The following PLEKHM3 variants were observed in gnomAD, a reference collection of about 807,000 sequenced individuals.
PLEKHM3 encodes the protein pleckstrin homology domain containing M3.
A neutral mutation model predicts 81.8 loss-of-function variants in PLEKHM3; 45 were observed. The ratio of observed to expected loss-of-function variants is 0.55; its 90% CI spans 0.43 to 0.71. PLEKHM3 has a LOEUF of 0.71. PLEKHM3 is among the 30% of genes least tolerant of loss of function. The pLI, the probability that PLEKHM3 is intolerant of heterozygous loss-of-function variation, is 0.00. For missense variants in PLEKHM3, 788 were observed against 924.3 expected (o/e 0.85, Z 1.91); for synonymous variants, 352 against 356.4 (o/e 0.99, Z 0.14).
At chr2:207,849,059 C>A (rs150476951) in intron 7 of PLEKHM3, among the ~76,000 whole-genome samples, 1 of 152,124 alleles carries the variant, frequency 6.6e-6, no homozygotes, top group Non-Finnish European at 1.5e-5. Flanking sequence ...ACTGGCTGGG[C>A]GTGGTGGCTC....
intron 4 of PLEKHM3, among the ~76,000 whole-genome samples, chr2:207,944,042 A>G (rs150378201): frequency 6.6e-6 from 1 of 152,224 alleles, no homozygotes; most frequent in East Asian, 1.9e-4. Flanking sequence ...AATTATCAGC[A>G]TAAGAATCCT....
intron 7 of PLEKHM3, among the ~76,000 whole-genome samples, chr2:207,836,808 A>G (rs993692511): frequency 6.6e-6 from 1 of 152,196 alleles, no homozygotes; most frequent in Non-Finnish European, 1.5e-5. Context: ...GGCTCAGGCA[A>G]TGGCCTCAGA....
At position 207,958,909 on chromosome 2, in the gene PLEKHM3, A is replaced by C. The variant is rs1690631080; in HGVS notation, c.1547-12397T>G. 2.6e-5 allele frequency among the ~76,000 whole-genome samples: 4 copies of C among 152,030 alleles called. No individual in the cohort carries two copies. In the South Asian group the frequency reaches 8.3e-4, roughly 32 times the overall value. ...TGGGCAACAGAGTGAGTGAGACTCC[A>C]TCTCAAAAATAATAATAATAATAAT... On this transcript the variant is annotated intron_variant, in intron 3 of 7. Coordinates refer to ENST00000427836, the MANE Select transcript of PLEKHM3 (RefSeq NM_001080475.3).
intron 2 of PLEKHM3, among the ~76,000 whole-genome samples, chr2:207,978,337 G>T (rs1039668783): frequency 1.4e-5 from 2 of 147,224 alleles, no homozygotes; most frequent in South Asian, 2.5e-4. Flanking sequence ...AGTAATTGCG[G>T]TTTTTACCAT....
At chr2:207,968,395 G>A (rs753172582) in intron 3 of PLEKHM3, among the ~76,000 whole-genome samples, 3 of 151,990 alleles carry the variant, frequency 2.0e-5, no homozygotes, top group Non-Finnish European at 4.4e-5. Context: ...TGGGGGTGGG[G>A]GGCCACTTTA....
chr2:207,890,858 C>T (rs1403791859), intron 6 of PLEKHM3, among the ~76,000 whole-genome samples: 2 of 152,188 alleles, frequency 1.3e-5, no homozygotes, highest in African/African-American at 4.8e-5. Context: ...AAATCAACTA[C>T]TATTTTCACT....
chr2:207,850,834 T>C (rs540228045), intron 7 of PLEKHM3, among the ~76,000 whole-genome samples: 2 of 152,326 alleles, frequency 1.3e-5, no homozygotes, highest in African/African-American at 4.8e-5. Flanking sequence ...GTCAGCCTAA[T>C]CTTCTGATTT....
chr2:207,904,752 A>C (rs1559229817), intron 6 of PLEKHM3, among the ~76,000 whole-genome samples: 1 of 152,218 alleles, frequency 6.6e-6, no homozygotes, highest in Non-Finnish European at 1.5e-5. Context: ...AGAAGGGGGA[A>C]AACTGTCTTG....
chr2:207,892,309 T>C (rs1688083822), intron 6 of PLEKHM3, among the ~76,000 whole-genome samples: 1 of 152,232 alleles, frequency 6.6e-6, no homozygotes, highest in Non-Finnish European at 1.5e-5. Context: ...TTTCTTATTG[T>C]GGTAAATGTA....
At position 207,825,377 on chromosome 2, in the gene PLEKHM3, A is replaced by G. The variant is rs2092242633; in HGVS notation, c.*2942T>C. On this transcript the variant is annotated 3_prime_UTR_variant, in exon 8 of 8. Transcript: ENST00000427836. ...GTCAGTTGCCAGCTCCAGGAGATTA[A>G]TTGGCCATTTTTTCATATGTTTTAT... The G allele has an allele frequency of 6.6e-6, 1 of 152,044 alleles. No individual in the cohort carries two copies. The highest frequency in any genetic ancestry group is 6.5e-5 in the Admixed American group (1 of 15,276). The allele number at this position is 152,044 out of a possible 1,614,324, so 9.4% of individuals were successfully genotyped here.
chr2:207,835,003 T>C (rs1396933880), intron 7 of PLEKHM3, among the ~76,000 whole-genome samples: 1 of 151,688 alleles, frequency 6.6e-6, no homozygotes, highest in Non-Finnish European at 1.5e-5. Context: ...TGCAGTGGCA[T>C]GATCCCAGCT....
intron 3 of PLEKHM3, among the ~76,000 whole-genome samples, chr2:207,954,583 AC>A: frequency 6.6e-6 from 1 of 152,336 alleles, no homozygotes; most frequent in Non-Finnish European, 1.5e-5. Context: ...AACTAAGGCA[AC>A]CAAAAAAATA....
At chr2:207,924,012 G>A (rs1013240931) in intron 5 of PLEKHM3, among the ~76,000 whole-genome samples, 59 of 146,814 alleles carry the variant, frequency 4.0e-4, no homozygotes, top group Non-Finnish European at 1.6e-4. Flanking sequence ...AGGTTCGAGC[G>A]ATTCTGCCTC....
rs570965438 is a variant in PLEKHM3, at chr2:207,974,409, C to T, written c.1546+2242G>A. Among the ~76,000 whole-genome samples the T allele has an allele frequency of 2.0e-4, 31 of 152,340 alleles. No individual in the cohort carries two copies. In the East Asian group the frequency reaches 4.8e-3, roughly 24 times the overall value. Reference sequence around the variant, plus strand: ...AGTGCACACTCCATCAGAAGGCACACTTCTGAGAGGGAGGTGAATTAGGCA... The same window carrying T: ...AGTGCACACTCCATCAGAAGGCACATTTCTGAGAGGGAGGTGAATTAGGCA... On this transcript the variant is annotated intron_variant, in intron 3 of 7. Coordinates refer to ENST00000427836, the MANE Select transcript of PLEKHM3 (RefSeq NM_001080475.3).
chr2:207,831,326 A>G (rs1325159125), intron 7 of PLEKHM3, among the ~76,000 whole-genome samples: 1 of 152,144 alleles, frequency 6.6e-6, no homozygotes, highest in Non-Finnish European at 1.5e-5. Flanking sequence ...TGTGACTGGA[A>G]CCCAGGGCTC....
At chr2:207,949,131 T>C (rs1690245241) in intron 3 of PLEKHM3, among the ~76,000 whole-genome samples, 2 of 152,226 alleles carry the variant, frequency 1.3e-5, no homozygotes, top group South Asian at 4.1e-4. Flanking sequence ...TAATTTTCCG[T>C]AGTGATTCCA....
intron 6 of PLEKHM3, among the ~76,000 whole-genome samples, chr2:207,874,354 C>T (rs1450168311): frequency 6.6e-6 from 1 of 152,088 alleles, no homozygotes; most frequent in African/African-American, 2.4e-5. Context: ...GTGGGCGGAT[C>T]ACCTGAGGTT....
intron 5 of PLEKHM3, among the ~76,000 whole-genome samples, chr2:207,917,535 T>C (rs1304258967): frequency 6.6e-6 from 1 of 151,996 alleles, no homozygotes; most frequent in Non-Finnish European, 1.5e-5. Flanking sequence ...TCTGTGTAGA[T>C]TGTGCTTTAA....
At chr2:207,982,578 CTT>C (rs34116964) in intron 2 of PLEKHM3, among the ~76,000 whole-genome samples, 1,725 of 129,106 alleles carry the variant, frequency 0.013, 76 homozygotes, top group Admixed American at 0.09. Flanking sequence ...CATTGATTTT[CTT>C]TTTTTTTTTT....
Sources: allele counts gnomAD v4.1 joint callset (sites outside exome capture counted in the v4.1 genomes callset), GRCh38; gene constraint gnomAD v4.1.1; transcripts MANE v1.5; gene names NCBI Gene and HGNC (gene_info 2026-07-23, HGNC 2026-07-21).